KLF12: variants seen among roughly 807,000 people sequenced by gnomAD.
The protein encoded by KLF12 is KLF transcription factor 12, also known as Krueppel-like factor 12.
Under a neutral mutation model 37.8 loss-of-function variants are expected in KLF12, and 9 were observed. That is an observed-to-expected ratio of 0.24 (90% CI 0.14 to 0.42). The LOEUF (loss-of-function observed/expected upper bound fraction) is 0.42. Ranked by LOEUF, KLF12 falls within the 10% of genes least tolerant of loss-of-function variation. KLF12 has a pLI of 1.00. For synonymous variants in KLF12, 208 were observed against 202.1 expected (o/e 1.03, Z -0.25); for missense variants, 411 against 516.0 (o/e 0.80, Z 1.97).
chr13:73,982,827 G>A (rs964766995), intron 2 of KLF12, among the ~76,000 whole-genome samples: 4 of 151,764 alleles, frequency 2.6e-5, no homozygotes, highest in African/African-American at 9.7e-5. Flanking sequence ...ACCACATACT[G>A]GAAAACTCTA....
At chr13:73,717,408 A>G (rs1175460772) in intron 6 of KLF12, among the ~76,000 whole-genome samples, 1 of 152,248 alleles carries the variant, frequency 6.6e-6, no homozygotes, top group Non-Finnish European at 1.5e-5. Flanking sequence ...AGTCCAGTGA[A>G]TATTCATTGC....
chr13:73,717,686 T>C (rs1875919920), intron 6 of KLF12, among the ~76,000 whole-genome samples: 1 of 152,370 alleles, frequency 6.6e-6, no homozygotes, highest in African/African-American at 2.4e-5. Context: ...CAAGCCACTT[T>C]TTTCAGCTTT....
At chr13:73,893,144 C>T (rs1261174746) in intron 3 of KLF12, among the ~76,000 whole-genome samples, 1 of 152,126 alleles carries the variant, frequency 6.6e-6, no homozygotes, top group African/African-American at 2.4e-5. Flanking sequence ...CCTTGCCCCA[C>T]ACCTCCGCAA....
chr13:73,710,342 C>G (rs1447603588), intron 7 of KLF12, among the ~76,000 whole-genome samples: 1 of 151,122 alleles, frequency 6.6e-6, no homozygotes, highest in Non-Finnish European at 1.5e-5. Flanking sequence ...ATCTTATTTT[C>G]CTGCACTTCA....
intron 5 of KLF12, among the ~76,000 whole-genome samples, chr13:73,772,350 T>G (rs1880322278): frequency 6.6e-6 from 1 of 152,208 alleles, no homozygotes; most frequent in Admixed American, 6.5e-5. Flanking sequence ...AAGCCAGCAC[T>G]GCAAGGTGAG....
At chr13:74,096,699 G>T (rs915698682) in intron 1 of KLF12, among the ~76,000 whole-genome samples, 4 of 152,030 alleles carry the variant, frequency 2.6e-5, no homozygotes, top group African/African-American at 7.2e-5. Context: ...TTCACAACGT[G>T]GTTACTGCTT....
rs999658915 is a variant in KLF12 at position 74,045,180 on chromosome 13, C to A, written c.-31-50127G>T. 1.7e-4 allele frequency among the ~76,000 whole-genome samples: 26 copies of A among 152,134 alleles called. 1 individual carries two copies. The highest frequency in any genetic ancestry group is 6.5e-5 in the Admixed American group (1 of 15,282). ...CATAATCCTTTATTACGGAAAAGAA[C>A]AACTTTACAGTGGAGAAAGCTGACA... On this transcript the variant is annotated intron_variant, in intron 1 of 7. Coordinates refer to ENST00000377669, the MANE Select transcript of KLF12 (RefSeq NM_007249.5).
chr13:74,003,559 A>G (rs1261395769), intron 1 of KLF12, among the ~76,000 whole-genome samples: 2 of 152,200 alleles, frequency 1.3e-5, no homozygotes, highest in African/African-American at 4.8e-5. Context: ...GGGATTTATT[A>G]GGCATGCTAA....
chr13:73,903,258 G>A (rs543122256), intron 3 of KLF12, among the ~76,000 whole-genome samples: 1 of 152,090 alleles, frequency 6.6e-6, no homozygotes, highest in Non-Finnish European at 1.5e-5. Context: ...AACATGCTGT[G>A]ATAGTGATGA....
At chr13:74,099,143 T>G (rs1404818525) in intron 1 of KLF12, among the ~76,000 whole-genome samples, 1 of 152,084 alleles carries the variant, frequency 6.6e-6, no homozygotes, top group Non-Finnish European at 1.5e-5. Context: ...AGGCCAGTAG[T>G]TCAAGACCAG....
At chr13:74,228,062 AT>A in the KLF12 span, among the ~76,000 whole-genome samples, 1 of 152,144 alleles carries the variant, frequency 6.6e-6, no homozygotes, top group Non-Finnish European at 1.5e-5. Context: ...CTGTGGAAAT[AT>A]AAGATGTTAT....
At chr13:73,982,722 T>C (rs534376881) in intron 2 of KLF12, among the ~76,000 whole-genome samples, 3 of 152,328 alleles carry the variant, frequency 2.0e-5, no homozygotes, top group East Asian at 3.9e-4. Context: ...TACCAAGATA[T>C]CAGCCTAGCC....
intron 4 of KLF12, among the ~76,000 whole-genome samples, chr13:73,823,177 T>C (rs547517091): frequency 3.3e-5 from 5 of 152,124 alleles, no homozygotes; most frequent in East Asian, 1.9e-4. Context: ...CTGAGTAAAA[T>C]GGAATCTTTT....
the KLF12 span, among the ~76,000 whole-genome samples, chr13:74,192,613 A>G: frequency 6.6e-6 from 1 of 152,220 alleles, no homozygotes; most frequent in Non-Finnish European, 1.5e-5. Flanking sequence ...TCGTTAGTTT[A>G]TATTTCAATA....
chr13:74,107,399 A>G (rs1876715348), intron 1 of KLF12, among the ~76,000 whole-genome samples: 1 of 152,234 alleles, frequency 6.6e-6, no homozygotes, highest in Admixed American at 6.5e-5. Flanking sequence ...CAGCAATGTC[A>G]CTAAGTTAAA....
rs56027876 is a variant in KLF12, at chr13:73,816,526, G to A, written c.671-3239C>T. On this transcript the variant is annotated intron_variant, in intron 4 of 7. Coordinates refer to ENST00000377669, the MANE Select transcript of KLF12 (RefSeq NM_007249.5). Reference sequence around the variant, plus strand: ...TCATTCCATGTGTCAAAATCCTGGGGAGAAAATTTCAGAACCCAACACCTG... The same window carrying A: ...TCATTCCATGTGTCAAAATCCTGGGAAGAAAATTTCAGAACCCAACACCTG... Among the ~76,000 whole-genome samples the A allele has an allele frequency of 1.1e-3, 165 of 152,270 alleles. 2 individuals carry two copies. Among genetic ancestry groups the A allele is most frequent in the African/African-American group, 3.5e-3 (146 of 41,536 alleles).
chr13:73,864,091 G>T (rs111568409), intron 3 of KLF12, among the ~76,000 whole-genome samples: 3 of 152,124 alleles, frequency 2.0e-5, no homozygotes, highest in African/African-American at 7.2e-5. Context: ...ACATTATAGG[G>T]TAAGATAACT....
chr13:74,183,391 G>A, the KLF12 span, among the ~76,000 whole-genome samples: 1 of 152,070 alleles, frequency 6.6e-6, no homozygotes, highest in African/African-American at 2.4e-5. Flanking sequence ...TCATATCACT[G>A]ACAGAGCTGA....
intron 3 of KLF12, among the ~76,000 whole-genome samples, chr13:73,854,597 G>T (rs552637920): frequency 6.6e-6 from 1 of 152,224 alleles, no homozygotes; most frequent in African/African-American, 2.4e-5. Context: ...TAACCCAGTG[G>T]TTCCTTTGGT....
Sources: gnomAD v4.1 joint callset for allele counts (sites outside exome capture counted in the v4.1 genomes callset) on GRCh38, gnomAD v4.1.1 for gene constraint, MANE v1.5 for transcripts, NCBI Gene and HGNC (gene_info 2026-07-23, HGNC 2026-07-21) for gene names.